Variants in MTMR9 observed in about 807,000 individuals in gnomAD.
MTMR9 encodes myotubularin related protein 9, also known as myotubularin-related protein 9.
A neutral mutation model predicts 69.5 loss-of-function variants in MTMR9; 39 were observed. The ratio of observed to expected loss-of-function variants is 0.56; its 90% confidence interval spans 0.43 to 0.73. MTMR9 has a LOEUF of 0.73. MTMR9 is among the 30% of genes least tolerant of loss of function. The pLI is 0.00. For missense variants in MTMR9, 900 were observed against 671.2 expected, an observed-to-expected ratio of 1.34 and a Z score of -3.77; for synonymous variants, 354 against 240.8, an observed-to-expected ratio of 1.47 and a Z score of -4.35.
chr8:11,319,451 C>T, intron 8 of MTMR9: 2 of 491,940 alleles, frequency 4.1e-6, no homozygotes, highest in Non-Finnish European at 7.2e-6. Flanking sequence ...TGTTTTTATC[C>T]TCCTGCCAGC....
In MTMR9 at chr8:11,324,813, C is replaced by T. The variant is rs1344481429; in HGVS notation, c.*2025C>T. The T allele has an allele frequency of 6.6e-6, 1 of 152,316 alleles. No homozygotes were observed. Among genetic ancestry groups the T allele is most frequent in the African/African-American group, 2.4e-5 (1 of 41,442 alleles). 9.4% of individuals were successfully genotyped at this position (152,316 alleles called of 1,614,324 possible). A position where few individuals can be genotyped will look rare whatever the true frequency, so the allele number is the denominator to read the frequency against. On this transcript the variant is annotated 3_prime_UTR_variant, in exon 10 of 10. Transcript: ENST00000221086. The stretch of plus-strand genomic sequence containing the variant: ...TTGAGGCTGCAGTGAGCTATGATCG[C>T]ATCAGTCCACTCCAGCCTGAGCAAC...
At chr8:11,289,390 A>C (rs971200128) in intron 1 of MTMR9, among the ~76,000 whole-genome samples, 2 of 152,222 alleles carry the variant, frequency 1.3e-5, no homozygotes, top group African/African-American at 4.8e-5. Flanking sequence ...ATAATGCTTC[A>C]CAAGTCTGTG....
intron 7 of MTMR9, chr8:11,316,409 G>A (rs1280786310): frequency 3.3e-6 from 1 of 304,368 alleles, no homozygotes; most frequent in Non-Finnish European, 6.0e-6. Flanking sequence ...TTCTTCCATG[G>A]GATATTCCAA....
At chr8:11,319,558 T>C in intron 8 of MTMR9, 129 bp from the exon 9 acceptor site, 1 of 930,714 alleles carries the variant, frequency 1.1e-6, no homozygotes, top group Non-Finnish European at 1.6e-6. Flanking sequence ...TTCAACACTT[T>C]GTTTCTCTAC....
In MTMR9 at chr8:11,285,029, G is replaced by A. The variant is rs780084606; in HGVS notation, c.141G>A (p.Glu47=). The part of the protein sequence containing the change: ...ILSSRQDNTE[E]LWLLHSNIDA... ...CCTCCCGGCAGGACAATACGGAGGA[G>A]CTGTGGCTCCTCCATTCAAACATCG... Residue 47 remains glutamate, a synonymous_variant, in exon 1 of 10, where the codon GAG becomes GAA. Transcript: ENST00000221086. The A allele has an allele frequency of 6.2e-7, 1 of 1,612,316 alleles. No individual in the cohort carries two copies. Among genetic ancestry groups the A allele is most frequent in the African/African-American group, 1.3e-5 (1 of 74,876 alleles).
intron 6 of MTMR9, among the ~76,000 whole-genome samples, chr8:11,313,836 AT>A (rs1284435656): frequency 6.6e-6 from 1 of 152,194 alleles, no homozygotes; most frequent in Non-Finnish European, 1.5e-5. Flanking sequence ...ATAATGAAAA[AT>A]TTTGAAATAT....
chr8:11,297,976 A>G (rs1799618292), intron 2 of MTMR9: 1 of 456,132 alleles, frequency 2.2e-6, no homozygotes, highest in Non-Finnish European at 4.4e-6. Flanking sequence ...AATTTTTCAT[A>G]TAGCATAGCT....
intron 1 of MTMR9, among the ~76,000 whole-genome samples, chr8:11,290,044 C>A (rs1254730384): frequency 6.6e-6 from 1 of 152,158 alleles, no homozygotes; most frequent in Non-Finnish European, 1.5e-5. Context: ...TAATTGCTTT[C>A]CAGGATGACA....
Position 11,326,414 on chromosome 8 carries a change from C to G in MTMR9, c.*3626C>G, listed in dbSNP as rs2117479744. ...TAGTTACAATAGTTGATCCTCTGTT[C>G]TGGAAGCTTTGAAATTTATCAGAGA... On this transcript the variant is annotated 3_prime_UTR_variant, in exon 10 of 10. Coordinates refer to ENST00000221086, the MANE Select transcript of MTMR9 (RefSeq NM_015458.4). The G allele has an allele frequency of 6.6e-6, 1 of 152,278 alleles. No individual in the cohort carries two copies. Among genetic ancestry groups the G allele is most frequent in the Non-Finnish European group, 1.5e-5 (1 of 68,016 alleles). The allele number at this position is 152,278 out of a possible 1,614,324, so 9.4% of individuals were successfully genotyped here.
chr8:11,294,393 C>G (rs1302796649), intron 1 of MTMR9, among the ~76,000 whole-genome samples: 1 of 151,338 alleles, frequency 6.6e-6, no homozygotes, highest in African/African-American at 2.4e-5. Context: ...TGTAAATGCC[C>G]TTATCAGGTT....
chr8:11,316,681 C>G lies in MTMR9; in HGVS notation c.1122C>G (p.His374Gln), dbSNP rs140280224. ...LIEREWLQAG[H>Q]PFQQRCAQSA... ...CTCCATCTTCCCCCTAGGCTGGTCA[C>G]CCATTCCAGCAGCGCTGTGCACAGT... Residue 374 changes from histidine (H) to glutamine (Q), a missense_variant, in exon 8 of 10, where the codon CAC becomes CAG. By Grantham distance (24) the His-to-Gln change is conservative. Transcript: ENST00000221086. 1.2e-6 allele frequency: 2 copies of G among 1,601,050 alleles called. No homozygotes were observed. The highest frequency in any genetic ancestry group is 1.7e-6 in the Non-Finnish European group (2 of 1,174,402).
chr8:11,334,552 C>G, the MTMR9 span, among the ~76,000 whole-genome samples: 7 of 150,438 alleles, frequency 4.7e-5, no homozygotes, highest in African/African-American at 1.7e-4. Context: ...AAAGATATCA[C>G]TACCAAAAAT....
At chr8:11,296,804 A>G (rs1033785032) in intron 2 of MTMR9, among the ~76,000 whole-genome samples, 8 of 152,226 alleles carry the variant, frequency 5.3e-5, no homozygotes, top group African/African-American at 1.9e-4. Context: ...AACTGTCACC[A>G]GTGATTATAG....
chr8:11,288,789 G>C (rs1350815643), intron 1 of MTMR9, among the ~76,000 whole-genome samples: 1 of 152,216 alleles, frequency 6.6e-6, no homozygotes, highest in Non-Finnish European at 1.5e-5. Context: ...TGTTTCAGAA[G>C]ACAATTCTGG....
chr8:11,330,235 G>A (rs573641600), downstream of MTMR9, among the ~76,000 whole-genome samples: 3 of 151,474 alleles, frequency 2.0e-5, no homozygotes, highest in South Asian at 6.3e-4. Context: ...CGCCCCGTCC[G>A]GGAGGGAGGT....
At chr8:11,298,718 GCA>G in intron 2 of MTMR9, 2 of 798,956 alleles carry the variant, frequency 2.5e-6, no homozygotes, top group Non-Finnish European at 2.9e-6. Context: ...TTTCCCCGCT[GCA>G]CCCCCCCCCC....
intron 8 of MTMR9, chr8:11,318,589 CCA>C (rs1489889895): frequency 6.6e-6 from 1 of 152,138 alleles, no homozygotes; most frequent in Admixed American, 6.5e-5. Context: ...GTAAGGTTTA[CCA>C]CAGACTGTCT....
Position 11,319,770 on chromosome 8 carries a change from C to T in MTMR9, c.1418C>T (p.Pro473Leu). 1.2e-6 allele frequency: 2 copies of T among 1,614,114 alleles called. No individual in the cohort carries two copies. The highest frequency in any genetic ancestry group is 8.5e-7 in the Non-Finnish European group (1 of 1,179,992). Residue 473 changes from proline to leucine, a missense_variant, in exon 9 of 10, where the codon CCC becomes CTC. By Grantham distance (98) the Pro-to-Leu change is moderately conservative (BLOSUM62 -3). Coordinates refer to ENST00000221086, the MANE Select transcript of MTMR9 (RefSeq NM_015458.4). ...AGTGAGCTGAGTAAATTCACCAATCCCCTCTTTGAAGCCAACAACCTTGTC... is the reference window on the plus strand; with the variant it reads ...AGTGAGCTGAGTAAATTCACCAATCTCCTCTTTGAAGCCAACAACCTTGTC... ...QPSELSKFTN[P>L]LFEANNLVIW...
chr8:11,329,727 G>A (rs981110906), downstream of MTMR9, among the ~76,000 whole-genome samples: 4 of 152,210 alleles, frequency 2.6e-5, no homozygotes, highest in African/African-American at 7.2e-5. Context: ...GCCTCTGCCC[G>A]GCCGCCACCC....
Sources: allele counts gnomAD v4.1 joint callset (sites outside exome capture counted in the v4.1 genomes callset), GRCh38; gene constraint gnomAD v4.1.1; transcripts MANE v1.5; gene names NCBI Gene and HGNC (gene_info 2026-07-23, HGNC 2026-07-21).